The following ETV1 variants were observed in gnomAD, a reference collection of about 807,000 sequenced individuals.
ETV1 encodes ETS variant transcription factor 1.
A neutral mutation model predicts 62.3 loss-of-function variants in ETV1; 27 were observed. The observed-to-expected ratio is 0.43, with a 90% confidence interval of 0.32 to 0.60. ETV1 has a LOEUF of 0.60. ETV1 is among the 20% of genes least tolerant of loss of function. The probability of loss-of-function intolerance (pLI) is 0.06; values close to 1 mark genes in which losing one functional copy is unlikely to be tolerated. For synonymous variants in ETV1, 222 were observed against 199.6 expected, an observed-to-expected ratio of 1.11 and a Z score of -0.94; for missense variants, 605 against 605.8, an observed-to-expected ratio of 1.00 and a Z score of 0.01.
At chr7:13,969,901 A>T (rs1193982360) in intron 6 of ETV1, among the ~76,000 whole-genome samples, 1 of 152,194 alleles carries the variant, frequency 6.6e-6, no homozygotes, top group Non-Finnish European at 1.5e-5. Flanking sequence ...TGTGGGTTGC[A>T]GGAACGGGGA....
chr7:13,900,147 A>C lies in ETV1; in HGVS notation c.1212+591T>G, dbSNP rs145756745. Among the ~76,000 whole-genome samples the C allele has an allele frequency of 2.7e-3, 404 of 151,830 alleles. 6 individuals are homozygous for C. Among genetic ancestry groups the C allele is most frequent in the African/African-American group, 9.4e-3 (386 of 41,116 alleles). ...CTGTCTCAAAACAAACAAACAAACA[A>C]AAAGCTACTTTCAAATATTATGGGA... is the stretch of plus-strand genomic sequence containing the variant. On this transcript the variant is annotated intron_variant, in intron 13 of 13. Transcript: ENST00000430479.
chr7:13,896,213 A>G, intron 13 of ETV1, 126 bp from the exon 14 acceptor site: 2 of 652,980 alleles, frequency 3.1e-6, no homozygotes, highest in Admixed American at 2.9e-5. Flanking sequence ...CCAAAAAAGC[A>G]AACAACTAAT....
chr7:13,916,492 G>T (rs1215272653), intron 9 of ETV1, among the ~76,000 whole-genome samples: 5 of 151,856 alleles, frequency 3.3e-5, no homozygotes, highest in Non-Finnish European at 5.9e-5. Context: ...ACAAAATTTA[G>T]CTGGGCATGG....
In ETV1 at chr7:13,909,723, T is replaced by C. The variant is rs772599633; in HGVS notation, c.872-23A>G. ...AGCCTGTGGATGAAAAAGGAATACA[T>C]TTATTCATGATAGAAATGAAGCTCA... On this transcript the variant is annotated intron_variant, in intron 10 of 13. Coordinates refer to ENST00000430479, the MANE Select transcript of ETV1 (RefSeq NM_004956.5). 5.7e-6 allele frequency: 9 copies of C among 1,578,476 alleles called. No individual in the cohort carries two copies. In the South Asian group the frequency reaches 1.0e-4, roughly 18 times the overall value.
At chr7:13,920,220 T>C (rs1784682897) in intron 9 of ETV1, among the ~76,000 whole-genome samples, 1 of 152,190 alleles carries the variant, frequency 6.6e-6, no homozygotes, top group African/African-American at 2.4e-5. Flanking sequence ...TTGAATGGAA[T>C]TCAGACCCAC....
At chr7:13,909,531 T>C (rs1047230975) in intron 11 of ETV1, 101 bp downstream of exon 11, 37 of 838,760 alleles carry the variant, frequency 4.4e-5, no homozygotes, top group African/African-American at 3.7e-4. Flanking sequence ...ATTATGTGCA[T>C]AGGAATCTTT....
At chr7:13,970,209 TGAGGTCAC>T (rs906490754) in intron 6 of ETV1, among the ~76,000 whole-genome samples, 2 of 149,740 alleles carry the variant, frequency 1.3e-5, no homozygotes, top group African/African-American at 5.0e-5. Context: ...TGCAGTGAGC[TGAGGTCAC>T]GCCACTGCAC....
Position 13,941,797 on chromosome 7 carries a change from G to A in ETV1, c.236-2551C>T, listed in dbSNP as rs532597508. The stretch of plus-strand genomic sequence containing the variant: ...GGGCACGAGAATCACTTGAACCCGC[G>A]AAGCAGAGTTTGCCGAGATCGCGGC... On this transcript the variant is annotated intron_variant, in intron 6 of 13. Transcript: ENST00000430479. Among the ~76,000 whole-genome samples the A allele has an allele frequency of 1.6e-4, 24 of 151,962 alleles. No individual in the cohort carries two copies. The South Asian group carries it at 1.9e-3, about 12-fold the overall frequency.
chr7:13,896,738 AGAAAG>A (rs1364768246), intron 13 of ETV1, among the ~76,000 whole-genome samples: 4 of 70,452 alleles, frequency 5.7e-5, no homozygotes, highest in African/African-American at 2.7e-4. Context: ...AGAAAAAGAA[AGAAAG>A]GAAAGAAAGA....
At chr7:13,938,378 T>G (rs917167283) in intron 7 of ETV1, among the ~76,000 whole-genome samples, 8 of 152,308 alleles carry the variant, frequency 5.3e-5, no homozygotes, top group Admixed American at 3.9e-4. Flanking sequence ...TAAAACAGTA[T>G]GAATATTTGG....
intron 6 of ETV1, among the ~76,000 whole-genome samples, chr7:13,943,559 T>C (rs1240628231): frequency 6.6e-6 from 1 of 152,148 alleles, no homozygotes; most frequent in Non-Finnish European, 1.5e-5. Flanking sequence ...TGAAAAGACA[T>C]GTGTGAGAAT....
chr7:13,953,954 T>G (rs1473426138), intron 6 of ETV1, among the ~76,000 whole-genome samples: 1 of 152,218 alleles, frequency 6.6e-6, no homozygotes, highest in African/African-American at 2.4e-5. Context: ...TTTTCCTTTT[T>G]TATTAAATCA....
intron 6 of ETV1, among the ~76,000 whole-genome samples, chr7:13,946,183 T>C (rs1438706610): frequency 1.3e-5 from 2 of 152,210 alleles, no homozygotes; most frequent in Non-Finnish European, 2.9e-5. Flanking sequence ...GGTCAGATAA[T>C]TTATCTAGAA....
intron 11 of ETV1, 130 bp downstream of exon 11, chr7:13,909,502 A>G (rs1355013822): frequency 2.4e-5 from 17 of 713,708 alleles, no homozygotes; most frequent in South Asian, 2.1e-4. Context: ...AACGTTGGCT[A>G]AAATTAAGTG....
In ETV1 at chr7:13,940,851, A is replaced by G. The variant is rs554643920; in HGVS notation, c.236-1605T>C. On this transcript the variant is annotated intron_variant, in intron 6 of 13. Coordinates refer to ENST00000430479, the MANE Select transcript of ETV1 (RefSeq NM_004956.5). ...CAAATACTATTTGTTTTATATGCAT[A>G]TAATTTTGATACAAGTGTTCAACAG... Among the ~76,000 whole-genome samples the G allele has an allele frequency of 3.9e-5, 6 of 152,320 alleles. No homozygotes were observed. The South Asian group carries it at 1.2e-3, about 32-fold the overall frequency.
chr7:13,916,316 T>C (rs926133715), intron 9 of ETV1, among the ~76,000 whole-genome samples: 1 of 152,100 alleles, frequency 6.6e-6, no homozygotes, highest in East Asian at 1.9e-4. Flanking sequence ...ATGCTTGTAA[T>C]AGCATTTGCA....
chr7:13,987,797 G>A (rs983878903), intron 4 of ETV1, among the ~76,000 whole-genome samples: 5 of 152,282 alleles, frequency 3.3e-5, no homozygotes, highest in African/African-American at 9.6e-5. Flanking sequence ...TGAATGGGGT[G>A]AGTTATATGC....
At chr7:13,918,243 G>C (rs941280164) in intron 9 of ETV1, among the ~76,000 whole-genome samples, 3 of 152,124 alleles carry the variant, frequency 2.0e-5, no homozygotes, top group African/African-American at 7.2e-5. Context: ...TATATACCCA[G>C]TAATGGGATG....
At chr7:13,963,987 A>G (rs1790481458) in intron 6 of ETV1, among the ~76,000 whole-genome samples, 1 of 152,206 alleles carries the variant, frequency 6.6e-6, no homozygotes, top group Admixed American at 6.5e-5. Context: ...TCCTGAAAGA[A>G]TACAGGAACA....
Sources: gnomAD v4.1 joint callset for allele counts (sites outside exome capture counted in the v4.1 genomes callset) on GRCh38, gnomAD v4.1.1 for gene constraint, MANE v1.5 for transcripts, NCBI Gene and HGNC (gene_info 2026-07-23, HGNC 2026-07-21) for gene names.